Variants in MARCHF10 observed in about 807,000 individuals in gnomAD.
The protein encoded by MARCHF10 is membrane associated ring-CH-type finger 10.
Under a neutral mutation model 76.2 loss-of-function variants are expected in MARCHF10, and 64 were observed. The observed-to-expected ratio is 0.84, with a 90% CI of 0.69 to 1.03. MARCHF10 has a LOEUF of 1.03. Among genes scored for constraint, MARCHF10 ranks in the 50% least tolerant of loss-of-function variants. The pLI is 0.00. For missense variants in MARCHF10, 875 were observed against 958.0 expected (o/e 0.91, Z 1.14); for synonymous variants, 340 against 357.5 (o/e 0.95, Z 0.55).
intron 8 of MARCHF10, among the ~76,000 whole-genome samples, chr17:62,719,756 T>G (rs1014917504): frequency 3.9e-5 from 6 of 152,226 alleles, no homozygotes; most frequent in Non-Finnish European, 8.8e-5. Context: ...ATTTCTCTGT[T>G]CCTTTCTCTC....
At chr17:62,739,180 TC>T (rs2091410607) in intron 5 of MARCHF10, among the ~76,000 whole-genome samples, 1 of 151,980 alleles carries the variant, frequency 6.6e-6, no homozygotes, top group Admixed American at 6.6e-5. Context: ...GTACCTGTAA[TC>T]CCAGCTATTT....
chr17:62,764,648 G>A (rs1260367525), intron 3 of MARCHF10, among the ~76,000 whole-genome samples: 1 of 152,158 alleles, frequency 6.6e-6, no homozygotes, highest in Non-Finnish European at 1.5e-5. Flanking sequence ...CTCAAATTGT[G>A]CTTCAAACAC....
intron 2 of MARCHF10, among the ~76,000 whole-genome samples, chr17:62,796,575 T>C (rs1409650825): frequency 6.6e-6 from 1 of 152,230 alleles, no homozygotes; most frequent in Non-Finnish European, 1.5e-5. Context: ...GCTTAGTTGA[T>C]AGCCAAGTTA....
rs548866348 is a variant in MARCHF10, at chr17:62,731,640, C to G, written c.1937+4291G>C. On this transcript the variant is annotated intron_variant, in intron 6 of 10. Coordinates refer to ENST00000311269, the MANE Select transcript of MARCHF10 (RefSeq NM_152598.4). ...AAAGGGCGTGGAGAAAGAGGACCCT[C>G]ATAAGGGGTGGTGAGATCGCTAACG... Among the ~76,000 whole-genome samples the G allele has an allele frequency of 3.9e-5, 6 of 152,302 alleles. No individual in the cohort carries two copies. The South Asian group carries it at 1.2e-3, about 32-fold the overall frequency.
At chr17:62,806,087 C>T (rs764449001) in intron 1 of MARCHF10, among the ~76,000 whole-genome samples, 13 of 152,044 alleles carry the variant, frequency 8.6e-5, no homozygotes, top group South Asian at 4.2e-4. Flanking sequence ...ACAAATATTA[C>T]GGGAACCAAG....
intron 4 of MARCHF10, chr17:62,747,038 T>C (rs1310686776): frequency 8.1e-6 from 10 of 1,228,902 alleles, no homozygotes; most frequent in Admixed American, 6.1e-5. Context: ...GTTTAAATAT[T>C]CTAAAATTGC....
At chr17:62,722,277 C>CAAAAAAA (rs57370093) in intron 8 of MARCHF10, among the ~76,000 whole-genome samples, 1 of 78,962 alleles carries the variant, frequency 1.3e-5, no homozygotes, top group Non-Finnish European at 2.5e-5. Context: ...GACTCTGTCT[C>CAAAAAAA]AAAAAAAAAA....
At chr17:62,767,538 C>G (rs975545306) in intron 3 of MARCHF10, among the ~76,000 whole-genome samples, 1 of 150,958 alleles carries the variant, frequency 6.6e-6, no homozygotes, top group African/African-American at 2.4e-5. Context: ...GCAACCTCCA[C>G]CTCCCAGGTT....
In MARCHF10 at chr17:62,738,226, A is replaced by T. The variant is rs1166697799; in HGVS notation, c.536-894T>A. On this transcript the variant is annotated intron_variant, in intron 5 of 10. Transcript: ENST00000311269. This position sits in a 1 kb window ranked among gnomAD's most constrained non-coding sequence, Gnocchi z 4.0. ...CTATTTCCAGTAAGTGATGGAATGAACATTTGAACCCACGCCTGCTCGATA... is the reference window on the plus strand; with the variant it reads ...CTATTTCCAGTAAGTGATGGAATGATCATTTGAACCCACGCCTGCTCGATA... 6.6e-6 allele frequency among the ~76,000 whole-genome samples: 1 copy of T among 152,182 alleles called. No individual in the cohort carries two copies. Among genetic ancestry groups the T allele is most frequent in the East Asian group, 1.9e-4 (1 of 5,190 alleles).
chr17:62,704,940 C>CG, intron 10 of MARCHF10: 1 of 972,346 alleles, frequency 1.0e-6, no homozygotes, highest in Non-Finnish European at 1.2e-6. Context: ...ACGTTTTTCT[C>CG]CAGTCGTTTT....
chr17:62,703,589 G>A (rs1280007509), intron 10 of MARCHF10, among the ~76,000 whole-genome samples: 1 of 152,254 alleles, frequency 6.6e-6, no homozygotes, highest in Admixed American at 6.5e-5. Context: ...GGTGGAGATG[G>A]CCTGGGCCTC....
intron 4 of MARCHF10, among the ~76,000 whole-genome samples, chr17:62,753,414 A>G (rs1184086716): frequency 1.3e-5 from 2 of 152,092 alleles, no homozygotes; most frequent in African/African-American, 4.8e-5. Context: ...GCCCTAAACC[A>G]CAACTTCTGA....
At chr17:62,775,323 A>G (rs2092531021) in intron 3 of MARCHF10, among the ~76,000 whole-genome samples, 1 of 151,912 alleles carries the variant, frequency 6.6e-6, no homozygotes, top group Non-Finnish European at 1.5e-5. Flanking sequence ...ACGGGGTTTC[A>G]CCATGTTGCC....
intron 3 of MARCHF10, among the ~76,000 whole-genome samples, chr17:62,780,111 C>A (rs1389249262): frequency 6.6e-6 from 1 of 151,306 alleles, no homozygotes; most frequent in African/African-American, 2.4e-5. Context: ...AAAAAACAAA[C>A]CAAAAAACAA....
intron 4 of MARCHF10, among the ~76,000 whole-genome samples, chr17:62,758,069 C>T (rs931921805): frequency 6.6e-6 from 1 of 152,096 alleles, no homozygotes; most frequent in Non-Finnish European, 1.5e-5. Context: ...AGCAAGAGGG[C>T]TAAAAATTAT....
intron 7 of MARCHF10, 117 bp downstream of exon 7, chr17:62,724,821 T>G: frequency 1.8e-6 from 2 of 1,097,712 alleles, no homozygotes; most frequent in Non-Finnish European, 1.3e-6. Flanking sequence ...CACGTGTCCC[T>G]GAGTCGCTGT....
chr17:62,716,824 G>A (rs1218709317), intron 8 of MARCHF10, among the ~76,000 whole-genome samples: 1 of 152,006 alleles, frequency 6.6e-6, no homozygotes, highest in Non-Finnish European at 1.5e-5. Context: ...CCCTTTTTTG[G>A]TACATGTCTA....
At chr17:62,716,686 C>T (rs1353614243) in intron 8 of MARCHF10, among the ~76,000 whole-genome samples, 1 of 139,686 alleles carries the variant, frequency 7.2e-6, no homozygotes, top group Non-Finnish European at 1.5e-5. Context: ...TGTAATTAAA[C>T]AAAAGCAAAA....
intron 9 of MARCHF10, among the ~76,000 whole-genome samples, chr17:62,710,581 C>T (rs71375874): frequency 0.056 from 5,935 of 106,834 alleles, 241 homozygotes; most frequent in African/African-American, 0.13. Flanking sequence ...TTTTTTGAGA[C>T]GGAGTCTCAT....
Sources: gnomAD v4.1 joint callset for allele counts (sites outside exome capture counted in the v4.1 genomes callset) on GRCh38, gnomAD v4.1.1 for gene constraint, Gnocchi (gnomAD v3.1) non-coding constraint, MANE v1.5 for transcripts, NCBI Gene and HGNC (gene_info 2026-07-23, HGNC 2026-07-21) for gene names.